TCF7L1: variants seen among roughly 807,000 people sequenced by gnomAD.
TCF7L1 encodes transcription factor 7-like 1.
In TCF7L1, 18 loss-of-function variants were observed where a neutral mutation model predicts 63.7. That is an observed-to-expected ratio of 0.28 (90% CI 0.20 to 0.42). The LOEUF is 0.42. TCF7L1 is among the 10% of genes least tolerant of loss of function. TCF7L1 has a pLI of 1.00. For synonymous variants in TCF7L1, 355 were observed against 340.9 expected, an observed-to-expected ratio of 1.04 and a Z score of -0.46; for missense variants, 654 against 779.3, an observed-to-expected ratio of 0.84 and a Z score of 1.91.
rs1365184359 is a variant in TCF7L1 at position 85,133,921 on chromosome 2, C to T, written c.237C>T (p.Ser79=). 6.5e-7 allele frequency: 1 copy of T among 1,531,448 alleles called. No homozygotes were observed. The highest frequency in any genetic ancestry group is 8.8e-7 in the Non-Finnish European group (1 of 1,135,158). The allele number at this position is 1,531,448 out of a possible 1,614,324, so 94.9% of individuals were successfully genotyped here. ...ACGAGTCGGAGAACCAGAGCAGCAG[C>T]TCGGACTCGGAGGTAAGGAAGCACC... ...LVNESENQSS[S]SDSEAERRPQ... Residue 79 remains serine (S), a synonymous_variant, in exon 1 of 12, where the codon AGC becomes AGT. Transcript: ENST00000282111. This position sits in a 1 kb window ranked among gnomAD's most constrained non-coding sequence, Gnocchi z 4.4.
intron 3 of TCF7L1, among the ~76,000 whole-genome samples, chr2:85,251,749 A>T (rs1304883657): frequency 6.6e-6 from 1 of 152,190 alleles, no homozygotes; most frequent in African/African-American, 2.4e-5. Flanking sequence ...ACTAGCTGAC[A>T]GTTTCCCATT....
chr2:85,291,952 T>C (rs1681726106), intron 4 of TCF7L1, among the ~76,000 whole-genome samples: 1 of 151,586 alleles, frequency 6.6e-6, no homozygotes, highest in African/African-American at 2.4e-5. Flanking sequence ...GTGATCCTTC[T>C]GTCTCAGCCT....
intron 3 of TCF7L1, among the ~76,000 whole-genome samples, chr2:85,146,929 G>A (rs1677893144): frequency 6.6e-6 from 1 of 152,120 alleles, no homozygotes; most frequent in Admixed American, 6.5e-5. Flanking sequence ...ATCTTTCTTT[G>A]CTTTTCTGCA....
At chr2:85,168,196 CACA>C (rs2104231495) in intron 3 of TCF7L1, among the ~76,000 whole-genome samples, 1 of 140,924 alleles carries the variant, frequency 7.1e-6, no homozygotes, top group African/African-American at 3.1e-5. Flanking sequence ...TTACCAAACA[CACA>C]CACACACACA....
At chr2:85,212,455 C>T (rs534109330) in intron 3 of TCF7L1, among the ~76,000 whole-genome samples, 1 of 152,304 alleles carries the variant, frequency 6.6e-6, no homozygotes, top group East Asian at 1.9e-4. Context: ...TATCTTGACT[C>T]CTCTATGCCC....
chr2:85,175,964 G>T (rs1678670130), intron 3 of TCF7L1, among the ~76,000 whole-genome samples: 1 of 152,226 alleles, frequency 6.6e-6, no homozygotes. Context: ...CAGGGTTAGG[G>T]ATTGGAAGTC....
At chr2:85,262,970 G>A (rs1680890217) in intron 3 of TCF7L1, among the ~76,000 whole-genome samples, 1 of 152,234 alleles carries the variant, frequency 6.6e-6, no homozygotes, top group Non-Finnish European at 1.5e-5. Context: ...CTCAGAGAGA[G>A]AGAGGGAGAA....
intron 3 of TCF7L1, among the ~76,000 whole-genome samples, chr2:85,271,147 C>G (rs1011566662): frequency 6.6e-6 from 1 of 152,162 alleles, no homozygotes; most frequent in African/African-American, 2.4e-5. Context: ...GAGTCTCCCT[C>G]TGTCACCCAG....
chr2:85,220,345 T>C (rs992399676), intron 3 of TCF7L1, among the ~76,000 whole-genome samples: 4 of 151,654 alleles, frequency 2.6e-5, no homozygotes, highest in African/African-American at 9.7e-5. Flanking sequence ...CTACTTACTT[T>C]CTGTACTTAA....
In TCF7L1 at chr2:85,133,606, G is replaced by C. The variant is rs1345724766; in HGVS notation, c.-79G>C. The C allele has an allele frequency of 4.1e-6, 2 of 485,856 alleles. No homozygotes were observed. The highest frequency in any genetic ancestry group is 2.1e-5 in the African/African-American group (1 of 47,442). The allele number at this position is 485,856 out of a possible 1,614,324, so 30.1% of individuals were successfully genotyped here. On this transcript the variant is annotated 5_prime_UTR_variant, in exon 1 of 12. Coordinates refer to ENST00000282111, the MANE Select transcript of TCF7L1 (RefSeq NM_031283.3). This position sits in a 1 kb window ranked among gnomAD's most constrained non-coding sequence, Gnocchi z 4.4. The stretch of plus-strand genomic sequence containing the variant: ...GCGCAGCGGGCCCGCAAGCGGGCGG[G>C]AGGGGCGCCGGGCCGGGCCGGGCAG...
rs1392628425 is a variant in TCF7L1 at position 85,309,151 on chromosome 2, T to G, written c.1456T>G (p.Leu486Val). 6 of 1,612,528 alleles carry G rather than the reference T, an allele frequency of 3.7e-6. No homozygotes were observed. The African/African-American group carries it at 4.0e-5, about 11-fold the overall frequency. The change falls in exon 12 of 12, where the codon TTG (leucine) becomes GTG (valine). Residue 486 changes from leucine (L) to valine (V), a missense_variant. This residue lies in a region of TCF7L1 where 184 missense variants were observed against 204.0 expected (regional missense o/e 0.90). Transcript: ENST00000282111. ...CTCCCCGGCCACTCCCTCTGCAGCT[T>G]TGGCCTCACCAGCTGCCCCTGCTGC... ...LDSPATPSAA[L>V]ASPAAPAATH...
chr2:85,141,498 G>A (rs764676875), intron 3 of TCF7L1, among the ~76,000 whole-genome samples: 3 of 152,098 alleles, frequency 2.0e-5, no homozygotes, highest in Admixed American at 6.6e-5. Flanking sequence ...CTTCTATCCC[G>A]GTGTACCTTC....
intron 4 of TCF7L1, among the ~76,000 whole-genome samples, chr2:85,299,902 C>CACACACACACACACACACA (rs1293532925): frequency 6.7e-6 from 1 of 150,322 alleles, no homozygotes; most frequent in African/African-American, 2.5e-5. Flanking sequence ...CACACACACA[C>CACACACACACACACACACA]ACTGATGCCC....
At chr2:85,273,651 A>G (rs1681205837) in intron 3 of TCF7L1, among the ~76,000 whole-genome samples, 1 of 152,192 alleles carries the variant, frequency 6.6e-6, no homozygotes, top group Admixed American at 6.5e-5. Context: ...ACAGCTGGAA[A>G]TGTGTCCTCC....
chr2:85,216,031 C>T (rs1249499121), intron 3 of TCF7L1, among the ~76,000 whole-genome samples: 1 of 152,080 alleles, frequency 6.6e-6, no homozygotes, highest in African/African-American at 2.4e-5. Context: ...GGACAATCTC[C>T]CTTTCTCCTC....
At chr2:85,218,378 C>T (rs1558637109) in intron 3 of TCF7L1, among the ~76,000 whole-genome samples, 1 of 152,106 alleles carries the variant, frequency 6.6e-6, no homozygotes, top group Non-Finnish European at 1.5e-5. Context: ...GCCTCAGCCT[C>T]CTGAATAACT....
At chr2:85,154,024 G>A (rs1029728862) in intron 3 of TCF7L1, among the ~76,000 whole-genome samples, 2 of 152,026 alleles carry the variant, frequency 1.3e-5, no homozygotes, top group African/African-American at 2.4e-5. Context: ...GCTTTTTATG[G>A]AAGTTTTCTC....
At chr2:85,280,281 A>G (rs1349570004) in intron 3 of TCF7L1, among the ~76,000 whole-genome samples, 1 of 152,032 alleles carries the variant, frequency 6.6e-6, no homozygotes, top group African/African-American at 2.4e-5. Context: ...ATGTTGTTAA[A>G]CTTTCCAGGA....
intron 3 of TCF7L1, among the ~76,000 whole-genome samples, chr2:85,281,685 C>G (rs963156275): frequency 1.3e-5 from 2 of 152,112 alleles, no homozygotes; most frequent in African/African-American, 4.8e-5. Flanking sequence ...AAAGACTGTC[C>G]TAATTCATAG....
Sources: gnomAD v4.1 joint callset for allele counts (sites outside exome capture counted in the v4.1 genomes callset) on GRCh38, gnomAD v4.1.1 for gene constraint, gnomAD v4.1.1 regional missense constraint, Gnocchi (gnomAD v3.1) non-coding constraint, MANE v1.5 for transcripts, NCBI Gene and HGNC (gene_info 2026-07-23, HGNC 2026-07-21) for gene names.